MACROD2: variants seen among roughly 807,000 people sequenced by gnomAD.
The protein encoded by MACROD2 is ADP-ribose glycohydrolase MACROD2.
A neutral mutation model predicts 70.4 loss-of-function variants in MACROD2; 36 were observed. The observed-to-expected ratio is 0.51, with a 90% CI of 0.39 to 0.68. MACROD2 has a LOEUF of 0.68. MACROD2 is among the 30% of genes least tolerant of loss of function. The pLI is 0.00. For synonymous variants in MACROD2, 172 were observed against 178.8 expected, an observed-to-expected ratio of 0.96 and a Z score of 0.30; for missense variants, 496 against 538.4, an observed-to-expected ratio of 0.92 and a Z score of 0.78.
At chr20:14,138,847 T>G (rs1042867784) in intron 3 of MACROD2, among the ~76,000 whole-genome samples, 12 of 152,016 alleles carry the variant, frequency 7.9e-5, no homozygotes, top group Admixed American at 3.9e-4. Context: ...TTAGTTTGAT[T>G]GTGGAAATCA....
intron 9 of MACROD2, among the ~76,000 whole-genome samples, chr20:15,871,443 T>C (rs1314656232): frequency 6.6e-6 from 1 of 152,210 alleles, no homozygotes; most frequent in African/African-American, 2.4e-5. Context: ...TTGTCAAATA[T>C]TTGTTATGTG....
At chr20:14,880,938 T>C (rs957006790) in intron 5 of MACROD2, among the ~76,000 whole-genome samples, 1 of 152,094 alleles carries the variant, frequency 6.6e-6, no homozygotes, top group Non-Finnish European at 1.5e-5. Context: ...AGTGCCCCTA[T>C]CCCTGCCTGA....
Position 15,731,798 on chromosome 20 carries a change from C to T in MACROD2, c.646-130947C>T, listed in dbSNP as rs188451829. Among the ~76,000 whole-genome samples the T allele has an allele frequency of 3.3e-4, 18 of 54,320 alleles. 6 individuals are homozygous for T. The East Asian group carries it at 5.1e-3, about 15-fold the overall frequency. 35.6% of individuals were successfully genotyped at this position (54,320 alleles called of 152,430 possible). A position where few individuals can be genotyped will look rare whatever the true frequency, so the allele number is the denominator to read the frequency against. ...GAGACGGAGTTTCACTCTTGTTGCC[C>T]AGGCTGGAGTGCAATAGCGCGATCT... On this transcript the variant is annotated intron_variant, in intron 8 of 17. Coordinates refer to ENST00000684519, the MANE Select transcript of MACROD2 (RefSeq NM_001351661.2).
intron 8 of MACROD2, among the ~76,000 whole-genome samples, chr20:15,658,996 AT>A (rs2146811639): frequency 6.6e-6 from 1 of 152,302 alleles, no homozygotes; most frequent in Admixed American, 6.5e-5. Context: ...GTTGCTTTTA[AT>A]TTTTAAATTT....
At chr20:15,027,707 TA>T (rs35450737) in intron 5 of MACROD2, among the ~76,000 whole-genome samples, 33,944 of 130,848 alleles carry the variant, frequency 0.26, 4,267 homozygotes, top group African/African-American at 0.37. Context: ...ACTCTCTAAT[TA>T]AAAAAAAAAA....
chr20:15,686,975 T>C (rs1258981503), intron 8 of MACROD2, among the ~76,000 whole-genome samples: 1 of 151,114 alleles, frequency 6.6e-6, no homozygotes, highest in East Asian at 1.9e-4. Context: ...TTTCTTTCTT[T>C]TATATTTCTA....
chr20:15,928,060 C>T (rs888154494), intron 10 of MACROD2, among the ~76,000 whole-genome samples: 3 of 152,174 alleles, frequency 2.0e-5, no homozygotes, highest in Admixed American at 1.3e-4. Flanking sequence ...CAGATGTGAT[C>T]TGTAGCTTAG....
intron 7 of MACROD2, among the ~76,000 whole-genome samples, chr20:15,498,655 G>A (rs554814457): frequency 6.6e-6 from 1 of 152,316 alleles, no homozygotes; most frequent in Non-Finnish European, 1.5e-5. Flanking sequence ...ATGGTTACCA[G>A]GGGCTTTGGG....
chr20:15,650,733 TTTTG>T (rs2049630076), intron 8 of MACROD2, among the ~76,000 whole-genome samples: 2 of 152,194 alleles, frequency 1.3e-5, no homozygotes, highest in Non-Finnish European at 2.9e-5. Flanking sequence ...CACAATTTTT[TTTTG>T]TTTTTCAATG....
chr20:14,588,715 G>T (rs939005049), intron 4 of MACROD2, among the ~76,000 whole-genome samples: 1 of 152,086 alleles, frequency 6.6e-6, no homozygotes, highest in African/African-American at 2.4e-5. Flanking sequence ...ACCTGCCTCG[G>T]CCTCCCAAAG....
intron 4 of MACROD2, among the ~76,000 whole-genome samples, chr20:14,608,013 G>A (rs1280465140): frequency 6.6e-6 from 1 of 152,146 alleles, no homozygotes; most frequent in African/African-American, 2.4e-5. Context: ...AGCACTTTGG[G>A]AGGCCGAGGT....
intron 5 of MACROD2, among the ~76,000 whole-genome samples, chr20:14,862,644 T>TATATATATAA (rs1555840103): frequency 0.019 from 192 of 9,970 alleles, 16 homozygotes; most frequent in African/African-American, 0.061. Flanking sequence ...TATATATAAA[T>TATATATATAA]ATATATATAT....
chr20:14,988,376 G>C (rs567880033), intron 5 of MACROD2, among the ~76,000 whole-genome samples: 28 of 143,832 alleles, frequency 1.9e-4, no homozygotes, highest in African/African-American at 5.7e-4. Context: ...AAAAAAAAAG[G>C]CTTTATAAAT....
intron 4 of MACROD2, among the ~76,000 whole-genome samples, chr20:14,550,255 T>C (rs1978565406): frequency 6.6e-6 from 1 of 152,072 alleles, no homozygotes; most frequent in South Asian, 2.1e-4. Context: ...TAGTCAATCA[T>C]TCAGCTCCAC....
At chr20:14,165,807 A>G (rs756163360) in intron 3 of MACROD2, among the ~76,000 whole-genome samples, 9 of 152,300 alleles carry the variant, frequency 5.9e-5, no homozygotes, top group Admixed American at 1.3e-4. Flanking sequence ...TCCCTCGGTT[A>G]TCAGTGTGGA....
At chr20:15,586,133 A>G (rs2048597856) in intron 8 of MACROD2, among the ~76,000 whole-genome samples, 1 of 152,134 alleles carries the variant, frequency 6.6e-6, no homozygotes, top group South Asian at 2.1e-4. Context: ...TTCATCATCT[A>G]TTTGATCTGT....
At chr20:14,831,163 T>TA (rs1300467159) in intron 5 of MACROD2, among the ~76,000 whole-genome samples, 1 of 152,092 alleles carries the variant, frequency 6.6e-6, no homozygotes, top group Non-Finnish European at 1.5e-5. Context: ...CCACCTACCA[T>TA]AAGGCCTAAT....
intron 8 of MACROD2, among the ~76,000 whole-genome samples, chr20:15,690,658 C>T (rs1341203012): frequency 2.0e-5 from 3 of 152,150 alleles, no homozygotes; most frequent in Admixed American, 6.5e-5. Context: ...TTTTGAACAC[C>T]ATGAACCCAC....
intron 5 of MACROD2, among the ~76,000 whole-genome samples, chr20:14,728,538 A>C (rs118062218): frequency 0.035 from 5,256 of 152,322 alleles, 127 homozygotes; most frequent in Non-Finnish European, 0.05. Context: ...ACCTTACAGA[A>C]TATGAGACAC....
Sources: gnomAD v4.1 joint callset for allele counts (sites outside exome capture counted in the v4.1 genomes callset) on GRCh38, gnomAD v4.1.1 for gene constraint, MANE v1.5 for transcripts, NCBI Gene and HGNC (gene_info 2026-07-23, HGNC 2026-07-21) for gene names.